TRMT1L: variants seen among roughly 807,000 people sequenced by gnomAD.
The protein encoded by TRMT1L is tRNA methyltransferase 1L.
Under a neutral mutation model 81.6 loss-of-function variants are expected in TRMT1L, and 28 were observed. The ratio of observed to expected loss-of-function variants is 0.34; its 90% confidence interval spans 0.25 to 0.47. The LOEUF is 0.47. Among genes scored for constraint, TRMT1L ranks in the 20% least tolerant of loss-of-function variants. TRMT1L has a pLI of 1.00. For synonymous variants in TRMT1L, 301 were observed against 303.2 expected, an observed-to-expected ratio of 0.99 and a Z score of 0.07; for missense variants, 739 against 877.1, an observed-to-expected ratio of 0.84 and a Z score of 1.99.
intron 1 of TRMT1L, among the ~76,000 whole-genome samples, chr1:185,154,093 T>TA (rs1653431783): frequency 6.6e-6 from 1 of 152,250 alleles, no homozygotes. Context: ...AAAAAATTGT[T>TA]AGACTTTTTG....
chr1:185,138,569 TTTATA>T (rs1222366002), intron 9 of TRMT1L, among the ~76,000 whole-genome samples: 3 of 152,264 alleles, frequency 2.0e-5, no homozygotes, highest in South Asian at 2.1e-4. Flanking sequence ...ACAATATCCG[TTTATA>T]TTATATTATT....
intron 7 of TRMT1L, among the ~76,000 whole-genome samples, chr1:185,142,762 C>A (rs1233541748): frequency 6.6e-6 from 1 of 151,666 alleles, no homozygotes; most frequent in Non-Finnish European, 1.5e-5. Flanking sequence ...CAGCAAAAAT[C>A]TAGACTGCGG....
At position 185,139,421 on chromosome 1, in the gene TRMT1L, C is replaced by T. The variant is rs375199980; in HGVS notation, c.1268G>A (p.Arg423Gln). Residue 423 changes from arginine to glutamine, a missense_variant, in exon 9 of 15, where the codon CGA (arginine) becomes CAA (glutamine). Arg to Gln is a conservative substitution (Grantham distance 43). Transcript: ENST00000367506. ...TGCTAGTTCCTTGTAATATTCAGTT[C>T]GGACAATGTTACATCCGTAGTGACG... is the stretch of plus-strand genomic sequence containing the variant. ...ARRHYGCNIV[R>Q]TEYYKELAAR... 4.3e-6 allele frequency: 7 copies of T among 1,613,916 alleles called. No individual in the cohort carries two copies. The highest frequency in any genetic ancestry group is 4.5e-5 in the East Asian group (2 of 44,888).
Position 185,132,502 on chromosome 1 carries a change from T to C in TRMT1L, c.1514-3755A>G, listed in dbSNP as rs150361239. On this transcript the variant is annotated intron_variant, in intron 10 of 14. Transcript: ENST00000367506. ...CCACTGCACTCCAGCCTGGGTGACA[T>C]AGCGATACTCCACCTCAAAAAAAAA... 5.7e-3 allele frequency among the ~76,000 whole-genome samples: 848 copies of C among 150,040 alleles called. 31 individuals are homozygous for C. In the East Asian group the frequency reaches 0.086, roughly 15 times the overall value.
chr1:185,139,872 A>C, intron 8 of TRMT1L, 101 bp downstream of exon 8: 7 of 1,354,582 alleles, frequency 5.2e-6, no homozygotes, highest in Non-Finnish European at 7.0e-6. Flanking sequence ...CATTAATTTA[A>C]ATAAATAAAC....
chr1:185,147,174 C>G lies in TRMT1L; in HGVS notation c.525+8G>C. Reference sequence around the variant, plus strand: ...ATTTAAAAATAAAAAAATCTAATATCTGATCACCTGTTCTCCAATAATGTT... The same window carrying G: ...ATTTAAAAATAAAAAAATCTAATATGTGATCACCTGTTCTCCAATAATGTT... On this transcript the variant is annotated splice_region_variant and intron_variant, in intron 4 of 14. Transcript: ENST00000367506. The G allele has an allele frequency of 1.9e-6, 3 of 1,592,814 alleles. No homozygotes were observed.
Position 185,120,585 on chromosome 1 carries a change from T to C in TRMT1L, c.1823-76A>G, listed in dbSNP as rs545435497. ...ATACTTTTATAACTATATATTTATC[T>C]CAAGTATAAATCCTGACACATTATT... On this transcript the variant is annotated intron_variant, in intron 13 of 14. Coordinates refer to ENST00000367506, the MANE Select transcript of TRMT1L (RefSeq NM_030934.5). 2.3e-5 allele frequency: 29 copies of C among 1,276,496 alleles called. No individual in the cohort carries two copies. The South Asian group carries it at 7.0e-4, about 31-fold the overall frequency. The allele number at this position is 1,276,496 out of a possible 1,614,324, so 79.1% of individuals were successfully genotyped here.
In TRMT1L at chr1:185,156,915, T is replaced by C. The variant is rs1307170330; in HGVS notation, c.-203A>G. Reference sequence around the variant, plus strand: ...AAAACAGAAAGCCAGAGGCAGCGATTCCAGATGCCCGTCCGCTTCCCTTTC... The same window carrying C: ...AAAACAGAAAGCCAGAGGCAGCGATCCCAGATGCCCGTCCGCTTCCCTTTC... On this transcript the variant is annotated 5_prime_UTR_variant, in exon 1 of 15. Transcript: ENST00000367506. 4.5e-6 allele frequency: 3 copies of C among 672,856 alleles called. No homozygotes were observed. The highest frequency in any genetic ancestry group is 7.0e-6 in the Non-Finnish European group (3 of 426,710). 41.7% of individuals were successfully genotyped at this position (672,856 alleles called of 1,614,324 possible).
intron 13 of TRMT1L, 75 bp from the exon 14 acceptor site, chr1:185,120,584 C>A: frequency 7.8e-7 from 1 of 1,279,758 alleles, no homozygotes. Context: ...ATATATTTAT[C>A]TCAAGTATAA....
intron 2 of TRMT1L, among the ~76,000 whole-genome samples, chr1:185,151,224 C>A (rs1398215974): frequency 2.0e-5 from 3 of 152,046 alleles, no homozygotes; most frequent in African/African-American, 7.3e-5. Context: ...ATTAATAACT[C>A]ATTTAGTAAT....
At chr1:185,121,714 G>A (rs780913117) in intron 13 of TRMT1L, among the ~76,000 whole-genome samples, 3 of 151,954 alleles carry the variant, frequency 2.0e-5, no homozygotes, top group South Asian at 4.1e-4. Flanking sequence ...GATGTAATAC[G>A]TTAATAGTGA....
intron 7 of TRMT1L, among the ~76,000 whole-genome samples, chr1:185,142,738 C>T (rs1346944243): frequency 1.3e-5 from 2 of 151,512 alleles, no homozygotes; most frequent in Non-Finnish European, 2.9e-5. Flanking sequence ...TTTTATGAGC[C>T]ATAACAATAC....
chr1:185,134,740 G>A (rs1382459135), intron 10 of TRMT1L, among the ~76,000 whole-genome samples: 2 of 152,206 alleles, frequency 1.3e-5, no homozygotes, highest in Admixed American at 6.5e-5. Flanking sequence ...TAAGTATACA[G>A]GCTATTGGAC....
intron 10 of TRMT1L, among the ~76,000 whole-genome samples, chr1:185,133,305 A>T (rs544583666): frequency 2.6e-5 from 4 of 151,968 alleles, no homozygotes; most frequent in African/African-American, 4.8e-5. Flanking sequence ...ACCTCAGGCA[A>T]TCCTACCTCA....
At chr1:185,138,038 C>G (rs12046095) in intron 9 of TRMT1L, among the ~76,000 whole-genome samples, 15,130 of 152,146 alleles carry the variant, frequency 0.099, 972 homozygotes, top group East Asian at 0.25. Flanking sequence ...TTGCGATATC[C>G]TCTCAATAGG....
At chr1:185,128,527 T>TAGG (rs374554074) in intron 11 of TRMT1L, 142 bp downstream of exon 11, 4 of 735,902 alleles carry the variant, frequency 5.4e-6, no homozygotes, top group African/African-American at 5.3e-5. Flanking sequence ...CTCAGGTTCA[T>TAGG]AGGAGGAGAA....
At chr1:185,152,628 G>C (rs1571359667) in intron 1 of TRMT1L, among the ~76,000 whole-genome samples, 3 of 152,190 alleles carry the variant, frequency 2.0e-5, no homozygotes, top group Admixed American at 2.0e-4. Context: ...CAGTAACAGA[G>C]AAAATTAGCA....
chr1:185,137,534 A>G, intron 10 of TRMT1L, 72 bp downstream of exon 10: 2 of 1,391,060 alleles, frequency 1.4e-6, no homozygotes, highest in East Asian at 2.3e-5. Context: ...AACAATATGT[A>G]TAATTAGGTA....
chr1:185,132,694 T>C (rs985811014), intron 10 of TRMT1L, among the ~76,000 whole-genome samples: 1 of 151,902 alleles, frequency 6.6e-6, no homozygotes, highest in Non-Finnish European at 1.5e-5. Flanking sequence ...GAAAATAATA[T>C]AACACTACAC....
Sources: gnomAD v4.1 joint callset for allele counts (sites outside exome capture counted in the v4.1 genomes callset) on GRCh38, gnomAD v4.1.1 for gene constraint, MANE v1.5 for transcripts, NCBI Gene and HGNC (gene_info 2026-07-23, HGNC 2026-07-21) for gene names.